RASAL2: variants seen among roughly 807,000 people sequenced by gnomAD.
The protein encoded by RASAL2 is ras GTPase-activating protein nGAP.
Under a neutral mutation model 128.9 loss-of-function variants are expected in RASAL2, and 58 were observed. That is an observed-to-expected ratio of 0.45 (90% CI 0.36 to 0.56). The LOEUF (loss-of-function observed/expected upper bound fraction) is 0.56, where lower values mean the gene tolerates loss of function less well. RASAL2 is among the 20% of genes least tolerant of loss of function. The pLI, the probability that RASAL2 is intolerant of heterozygous loss-of-function variation, is 0.00. For synonymous variants in RASAL2, 561 were observed against 580.8 expected, an observed-to-expected ratio of 0.97 and a Z score of 0.49; for missense variants, 1,360 against 1,601.6, an observed-to-expected ratio of 0.85 and a Z score of 2.57.
At chr1:178,230,534 C>T (rs1663962244) in intron 1 of RASAL2, among the ~76,000 whole-genome samples, 1 of 152,048 alleles carries the variant, frequency 6.6e-6, no homozygotes, top group South Asian at 2.1e-4. Flanking sequence ...TTGCATTTCC[C>T]CAATTACTAA....
chr1:178,185,762 C>T (rs1662270531), intron 1 of RASAL2, among the ~76,000 whole-genome samples: 1 of 151,998 alleles, frequency 6.6e-6, no homozygotes. Flanking sequence ...ATAATTCTTC[C>T]TATGAAATGC....
intron 11 of RASAL2, among the ~76,000 whole-genome samples, chr1:178,454,196 T>TAA (rs56786408): frequency 3.9e-3 from 311 of 80,230 alleles, no homozygotes; most frequent in Middle Eastern, 0.018. Context: ...ATCCCAGAAC[T>TAA]AAAAAAAAAA....
chr1:178,237,306 C>A (rs144912039), intron 1 of RASAL2, among the ~76,000 whole-genome samples: 1 of 151,962 alleles, frequency 6.6e-6, no homozygotes, highest in Non-Finnish European at 1.5e-5. Context: ...AGCATCGCTT[C>A]AAGCAGTATT....
At chr1:178,296,161 A>G (rs75984503) in intron 2 of RASAL2, among the ~76,000 whole-genome samples, 29 of 139,236 alleles carry the variant, frequency 2.1e-4, no homozygotes, top group African/African-American at 5.9e-4. Context: ...GTGTATATAT[A>G]TGTGTGTGTG....
chr1:178,175,301 A>G (rs1190476160), intron 1 of RASAL2, among the ~76,000 whole-genome samples: 1 of 152,048 alleles, frequency 6.6e-6, no homozygotes, highest in Non-Finnish European at 1.5e-5. Context: ...AAACATTGTG[A>G]TACCTGCAAG....
At chr1:178,412,225 A>T (rs1468298155) in intron 4 of RASAL2, among the ~76,000 whole-genome samples, 2 of 152,198 alleles carry the variant, frequency 1.3e-5, no homozygotes, top group Non-Finnish European at 2.9e-5. Context: ...TAATGAATAA[A>T]GGAAAGTGAA....
At chr1:178,167,198 T>C (rs888775784) in intron 1 of RASAL2, among the ~76,000 whole-genome samples, 2 of 152,142 alleles carry the variant, frequency 1.3e-5, no homozygotes, top group Admixed American at 6.6e-5. Flanking sequence ...TTGTGTCTTA[T>C]GCTATTTAAA....
chr1:178,229,729 G>C (rs763225356), intron 1 of RASAL2, among the ~76,000 whole-genome samples: 3 of 152,062 alleles, frequency 2.0e-5, no homozygotes, highest in Non-Finnish European at 2.9e-5. Context: ...CACAGAAAGT[G>C]GTTTCTGACT....
rs752959356 is a variant in RASAL2, at chr1:178,456,904, G to T, written c.2390+5G>T. On this transcript the variant is annotated splice_donor_5th_base_variant and intron_variant, in intron 13 of 17. Transcript: ENST00000367649. ...ATTTGAAGACCCCACTGACAGGTATGAAAGAGAGAATTTGACCACTATCTC... is the reference window on the plus strand; with the variant it reads ...ATTTGAAGACCCCACTGACAGGTATTAAAGAGAGAATTTGACCACTATCTC... 6.2e-7 allele frequency: 1 copy of T among 1,611,718 alleles called. No individual in the cohort carries two copies. The highest frequency in any genetic ancestry group is 2.2e-5 in the East Asian group (1 of 44,864).
At chr1:178,315,536 G>A (rs1557896341) in intron 3 of RASAL2, among the ~76,000 whole-genome samples, 1 of 142,622 alleles carries the variant, frequency 7.0e-6, no homozygotes, top group Non-Finnish European at 1.5e-5. Flanking sequence ...TTCTCTGATG[G>A]CCAGTGATGG....
intron 1 of RASAL2, among the ~76,000 whole-genome samples, chr1:178,171,676 G>A (rs1387240347): frequency 5.9e-5 from 9 of 151,932 alleles, no homozygotes; most frequent in Non-Finnish European, 1.0e-4. Flanking sequence ...CCTATTTGGA[G>A]ATGTTTTATG....
chr1:178,281,352 C>G (rs538232626), intron 1 of RASAL2, among the ~76,000 whole-genome samples: 1 of 151,916 alleles, frequency 6.6e-6, no homozygotes, highest in East Asian at 1.9e-4. Flanking sequence ...GAGACATTGT[C>G]TTGTTTTCAC....
chr1:178,099,968 A>G (rs1397978923), intron 1 of RASAL2, among the ~76,000 whole-genome samples: 1 of 152,158 alleles, frequency 6.6e-6, no homozygotes, highest in Non-Finnish European at 1.5e-5. Flanking sequence ...TCAAAAAAAA[A>G]ACAAAATCAT....
chr1:178,122,032 C>T (rs1659736958), intron 1 of RASAL2, among the ~76,000 whole-genome samples: 1 of 151,998 alleles, frequency 6.6e-6, no homozygotes, highest in African/African-American at 2.4e-5. Flanking sequence ...GCTCTAGGAC[C>T]AAGTCATTGT....
Position 178,420,551 on chromosome 1 carries a change from C to T in RASAL2, c.605C>T (p.Thr202Ile). 1 of 1,613,296 alleles carries T rather than the reference C, an allele frequency of 6.2e-7. No individual in the cohort carries two copies. ...CGCCTGAAAGGCTCCATCAAGAGGA[C>T]CAAAAGCCAGTCAAAGCTTGACAGA... ...SKRLKGSIKR[T>I]KSQSKLDRNT... The change falls in exon 5 of 18, where the codon ACC becomes ATC. Residue 202 changes from threonine (T) to isoleucine (I), a missense_variant. Around this residue, in one of 3 missense-constraint regions of RASAL2, gnomAD observed 617 missense variants for 714.2 expected, o/e 0.86. Coordinates refer to ENST00000367649, the MANE Select transcript of RASAL2 (RefSeq NM_170692.4).
chr1:178,311,253 A>AACACACACACAC (rs67243509), intron 3 of RASAL2, among the ~76,000 whole-genome samples: 2,260 of 143,662 alleles, frequency 0.016, 33 homozygotes, highest in Admixed American at 0.024. Context: ...CACACACACA[A>AACACACACACAC]ACACACACAC....
chr1:178,132,251 C>G (rs1354046196), intron 1 of RASAL2, among the ~76,000 whole-genome samples: 4 of 150,462 alleles, frequency 2.7e-5, no homozygotes, highest in Non-Finnish European at 5.9e-5. Context: ...GAGACAGAGT[C>G]TCACTATGTT....
At chr1:178,376,914 A>G (rs1393495221) in intron 3 of RASAL2, among the ~76,000 whole-genome samples, 1 of 152,120 alleles carries the variant, frequency 6.6e-6, no homozygotes. Flanking sequence ...TTATTCTACT[A>G]CTATTCTGTA....
At chr1:178,176,254 C>G (rs967567223) in intron 1 of RASAL2, among the ~76,000 whole-genome samples, 1 of 151,984 alleles carries the variant, frequency 6.6e-6, no homozygotes, top group African/African-American at 2.4e-5. Flanking sequence ...GCCATTCTTG[C>G]GTGGCCATTA....
Sources: allele counts gnomAD v4.1 joint callset (sites outside exome capture counted in the v4.1 genomes callset), GRCh38; gene constraint gnomAD v4.1.1; regional missense constraint gnomAD v4.1.1; transcripts MANE v1.5; gene names NCBI Gene and HGNC (gene_info 2026-07-23, HGNC 2026-07-21).